The following KSR2 variants were observed in gnomAD, a reference collection of about 807,000 sequenced individuals.
KSR2 encodes kinase suppressor of ras 2.
Under a neutral mutation model 107.8 loss-of-function variants are expected in KSR2, and 25 were observed. The observed-to-expected ratio is 0.23, with a 90% CI of 0.17 to 0.32. KSR2 has a LOEUF of 0.32. Ranked by LOEUF, KSR2 falls within the 10% of genes least tolerant of loss-of-function variation. KSR2 has a pLI of 1.00. For synonymous variants in KSR2, 480 were observed against 507.0 expected (o/e 0.95, Z 0.71); for missense variants, 887 against 1,268.9 (o/e 0.70, Z 4.57).
intron 4 of KSR2, among the ~76,000 whole-genome samples, chr12:117,697,451 A>G (rs1474022173): frequency 6.6e-6 from 1 of 152,192 alleles, no homozygotes; most frequent in Non-Finnish European, 1.5e-5. Context: ...CACTTCAATA[A>G]AAAGCTTTCT....
chr12:117,723,418 C>T (rs934709522), intron 4 of KSR2, among the ~76,000 whole-genome samples: 23 of 152,062 alleles, frequency 1.5e-4, no homozygotes, highest in Non-Finnish European at 2.5e-4. Context: ...TCACAACAAC[C>T]GTAAGAGGTA....
At chr12:117,817,930 G>A (rs942617131) in intron 3 of KSR2, among the ~76,000 whole-genome samples, 4 of 151,900 alleles carry the variant, frequency 2.6e-5, no homozygotes, top group Admixed American at 6.6e-5. Context: ...GTAAAACCCC[G>A]TCTACACTAA....
chr12:117,923,728 A>G (rs1254869461), intron 1 of KSR2, among the ~76,000 whole-genome samples: 2 of 152,166 alleles, frequency 1.3e-5, no homozygotes, highest in African/African-American at 2.4e-5. Context: ...TATAACTGCC[A>G]TGAATAATGA....
At chr12:117,549,180 A>G (rs760429362) in intron 9 of KSR2, among the ~76,000 whole-genome samples, 3 of 152,242 alleles carry the variant, frequency 2.0e-5, no homozygotes, top group Non-Finnish European at 4.4e-5. Context: ...AACAATGGAC[A>G]TATTAGTGTA....
intron 5 of KSR2, among the ~76,000 whole-genome samples, chr12:117,657,449 G>T (rs894644964): frequency 1.3e-5 from 2 of 152,088 alleles, no homozygotes; most frequent in African/African-American, 4.8e-5. Flanking sequence ...ACTTAGGTTG[G>T]GTTACCTGTC....
intron 3 of KSR2, among the ~76,000 whole-genome samples, chr12:117,818,301 C>T (rs948196118): frequency 6.6e-6 from 1 of 152,052 alleles, no homozygotes; most frequent in African/African-American, 2.4e-5. Flanking sequence ...AAATGGGAAC[C>T]TTAGCAGAGA....
At position 117,464,672 on chromosome 12, in the gene KSR2, A is replaced by C. The variant is rs1871065065; in HGVS notation, c.*2527T>G. The stretch of plus-strand genomic sequence containing the variant: ...GACAGGGTAGGGGCGTCAGGAAGGC[A>C]CTGAAGGCCAGGATCCTGGCCTGGC... On this transcript the variant is annotated 3_prime_UTR_variant, in exon 20 of 20. Coordinates refer to ENST00000339824, the MANE Select transcript of KSR2 (RefSeq NM_173598.6). 6.6e-6 allele frequency: 1 copy of C among 152,304 alleles called. No homozygotes were observed. The highest frequency in any genetic ancestry group is 2.4e-5 in the African/African-American group (1 of 41,436). The allele number at this position is 152,304 out of a possible 1,614,324, so 9.4% of individuals were successfully genotyped here. A position where few individuals can be genotyped will look rare whatever the true frequency, so the allele number is the denominator to read the frequency against.
At chr12:117,880,950 GTGAGCCACCA>G (rs1440848526) in intron 1 of KSR2, among the ~76,000 whole-genome samples, 1 of 149,386 alleles carries the variant, frequency 6.7e-6, no homozygotes, top group Non-Finnish European at 1.5e-5. Flanking sequence ...GATTACAGGC[GTGAGCCACCA>G]TGCCTGGTCT....
At chr12:117,797,137 A>G (rs1209999107) in intron 3 of KSR2, among the ~76,000 whole-genome samples, 2 of 152,236 alleles carry the variant, frequency 1.3e-5, no homozygotes, top group Non-Finnish European at 2.9e-5. Context: ...ACTTCTAGGC[A>G]TATACCCCAC....
intron 4 of KSR2, among the ~76,000 whole-genome samples, chr12:117,669,634 A>G (rs2136492501): frequency 6.6e-6 from 1 of 152,146 alleles, no homozygotes; most frequent in Admixed American, 6.5e-5. Flanking sequence ...TTCGGGGGCC[A>G]AGGTGGGAGA....
chr12:117,566,604 C>G (rs1207178938), intron 7 of KSR2, among the ~76,000 whole-genome samples: 1 of 152,092 alleles, frequency 6.6e-6, no homozygotes, highest in Non-Finnish European at 1.5e-5. Flanking sequence ...CCATGTATAC[C>G]CATTTTTAAG....
chr12:117,895,332 G>C (rs1424246282), intron 1 of KSR2, among the ~76,000 whole-genome samples: 1 of 152,064 alleles, frequency 6.6e-6, no homozygotes, highest in Non-Finnish European at 1.5e-5. Flanking sequence ...CCTACTCCAG[G>C]CTCTGGGTAG....
intron 1 of KSR2, among the ~76,000 whole-genome samples, chr12:117,933,479 A>G (rs1372932822): frequency 6.6e-6 from 1 of 151,968 alleles, no homozygotes; most frequent in Non-Finnish European, 1.5e-5. Flanking sequence ...GGTCCCAGCT[A>G]CTTGGGAGGC....
At chr12:117,830,878 C>T (rs1392269908) in intron 3 of KSR2, among the ~76,000 whole-genome samples, 1 of 152,160 alleles carries the variant, frequency 6.6e-6, no homozygotes, top group Non-Finnish European at 1.5e-5. Context: ...TGATAAAATT[C>T]TGCCTCATTT....
intron 7 of KSR2, among the ~76,000 whole-genome samples, chr12:117,573,963 C>T (rs533661009): frequency 6.6e-6 from 1 of 152,280 alleles, no homozygotes; most frequent in African/African-American, 2.4e-5. Context: ...CCTGAAAAAC[C>T]ATCAGCAAAG....
chr12:117,629,464 A>G (rs935692952), intron 5 of KSR2, among the ~76,000 whole-genome samples: 1 of 152,332 alleles, frequency 6.6e-6, no homozygotes. Context: ...AGTAAGAAAA[A>G]CATGTGAAAC....
chr12:117,531,621 G>A (rs747315692), intron 11 of KSR2, 45 bp downstream of exon 11: 21 of 1,562,300 alleles, frequency 1.3e-5, no homozygotes, highest in Middle Eastern at 3.4e-4. Context: ...GCAATGCAGC[G>A]GGGCTTGTTC....
At chr12:117,471,604 C>T (rs1871463150) in intron 17 of KSR2, among the ~76,000 whole-genome samples, 1 of 151,470 alleles carries the variant, frequency 6.6e-6, no homozygotes, top group Non-Finnish European at 1.5e-5. Context: ...GAAATCATTG[C>T]AAATAAATGA....
chr12:117,826,587 A>G (rs1891760693), intron 3 of KSR2, among the ~76,000 whole-genome samples: 1 of 152,146 alleles, frequency 6.6e-6, no homozygotes, highest in Non-Finnish European at 1.5e-5. Context: ...CAAAATATTC[A>G]GAGAATGACA....
Sources: gnomAD v4.1 joint callset for allele counts (sites outside exome capture counted in the v4.1 genomes callset) on GRCh38, gnomAD v4.1.1 for gene constraint, MANE v1.5 for transcripts, NCBI Gene and HGNC (gene_info 2026-07-23, HGNC 2026-07-21) for gene names.